ROGDI: variants seen among roughly 807,000 people sequenced by gnomAD.
The protein encoded by ROGDI is protein rogdi homolog.
ROGDI carries 46 observed loss-of-function variants against 43.1 expected under a neutral mutation model. That is an observed-to-expected ratio of 1.07 (90% CI 0.84 to 1.37). The LOEUF is 1.37. Among genes scored for constraint, ROGDI ranks in the 40% most tolerant of loss-of-function variants. The pLI, the probability that ROGDI is intolerant of heterozygous loss-of-function variation, is 0.00. For missense variants in ROGDI, 518 were observed against 383.9 expected, an observed-to-expected ratio of 1.35 and a Z score of -2.92; for synonymous variants, 243 against 162.0, an observed-to-expected ratio of 1.50 and a Z score of -3.80.
intron 7 of ROGDI, 32 bp downstream of exon 7, chr16:4,798,537 C>T: frequency 1.3e-6 from 2 of 1,503,776 alleles, no homozygotes; most frequent in East Asian, 2.4e-5. Flanking sequence ...TGGGACCCCT[C>T]TCCTGCAGCA....
chr16:4,798,462 T>C, intron 7 of ROGDI, 107 bp downstream of exon 7: 4 of 906,066 alleles, frequency 4.4e-6, no homozygotes, highest in Non-Finnish European at 4.9e-6. Context: ...AGACAGAATA[T>C]TCCACCTATA....
At chr16:4,802,284 T>C (rs1427002668) in intron 2 of ROGDI, 98 bp downstream of exon 2, 9 of 1,139,914 alleles carry the variant, frequency 7.9e-6, no homozygotes, top group Admixed American at 2.2e-5. Flanking sequence ...AGCCGCACAC[T>C]GTAGGCGCTC....
rs1385269873 is a variant in ROGDI, at chr16:4,801,496, G to A, written c.200+7C>T. ...ATTTCCCCGGTTTCCGCCTAGCCCA[G>A]GCTCACCCACAGCTGCCTAGGATGA... On this transcript the variant is annotated splice_region_variant and intron_variant, in intron 3 of 10. Coordinates refer to ENST00000322048, the MANE Select transcript of ROGDI (RefSeq NM_024589.3). 6.2e-7 allele frequency: 1 copy of A among 1,600,984 alleles called. No homozygotes were observed. Among genetic ancestry groups the A allele is most frequent in the Non-Finnish European group, 8.5e-7 (1 of 1,173,734 alleles).
rs560408104 is a variant in ROGDI, at chr16:4,802,296, G to C, written c.117+86C>G. 16 of 1,271,792 alleles carry C rather than the reference G, an allele frequency of 1.3e-5. No homozygotes were observed. The South Asian group carries it at 2.0e-4, about 16-fold the overall frequency. 78.8% of individuals were successfully genotyped at this position (1,271,792 alleles called of 1,614,324 possible). On this transcript the variant is annotated intron_variant, in intron 2 of 10. Transcript: ENST00000322048. ...GGCAGCCGCACACTGTAGGCGCTCA[G>C]GACGCAGCCGCGCGGCCCCAGGTGG...
chr16:4,802,039 G>A (rs1375288321), intron 2 of ROGDI: 3 of 590,042 alleles, frequency 5.1e-6, no homozygotes, highest in Non-Finnish European at 6.4e-6. Context: ...GAAAAGGGAG[G>A]CCCAGGGAGG....
In ROGDI at chr16:4,798,065, C is replaced by A. The variant is rs2082675526; in HGVS notation, c.645+6G>T. ...GGCAGTGGGCCGGGCAGGGGTCCCT[C>A]CTCACCTTGGTGGAGTTGGGCTGCA... On this transcript the variant is annotated splice_donor_region_variant and intron_variant, in intron 8 of 10. Transcript: ENST00000322048. 2 of 1,613,728 alleles carry A rather than the reference C, an allele frequency of 1.2e-6. No homozygotes were observed. The highest frequency in any genetic ancestry group is 4.5e-5 in the East Asian group (2 of 44,864).
At chr16:4,801,930 C>A in intron 2 of ROGDI, 1 of 570,078 alleles carries the variant, frequency 1.8e-6, no homozygotes, top group Non-Finnish European at 3.3e-6. Context: ...TCCTGGGCCA[C>A]AGCAAGCACT....
intron 1 of ROGDI, 25 bp from the exon 2 acceptor site, chr16:4,802,478 G>C: frequency 8.2e-7 from 1 of 1,224,186 alleles, no homozygotes; most frequent in Non-Finnish European, 1.0e-6. Flanking sequence ...CGGCGGTCGC[G>C]CCCGGCCCCG....
rs145718534 is a variant in ROGDI at position 4,802,421 on chromosome 16, C to A, written c.78G>T (p.Glu26Asp). The A allele has an allele frequency of 4.6e-6, 7 of 1,519,912 alleles. No homozygotes were observed. Among genetic ancestry groups the A allele is most frequent in the Admixed American group, 4.3e-5 (2 of 46,442 alleles). 94.2% of individuals were successfully genotyped at this position (1,519,912 alleles called of 1,614,324 possible). A position where few individuals can be genotyped will look rare whatever the true frequency, so the allele number is the denominator to read the frequency against. Residue 26 changes from glutamate to aspartate, a missense_variant, in exon 2 of 11, where the codon GAG (glutamate) becomes GAT (aspartate). Physicochemically the swap from Glu to Asp is conservative, Grantham distance 45 (BLOSUM62 2). Transcript: ENST00000322048. ...GCAGCTGCTTCAACACAGCGTGCAC[C>A]TCGTCGTGCAGCAGCCAGCGGAACT... Reference protein sequence around the residue: ...EEEFRWLLHDEVHAVLKQLQD... With the variant: ...EEEFRWLLHDDVHAVLKQLQD...
At chr16:4,801,918 G>A (rs1288333647) in intron 2 of ROGDI, 1 of 561,028 alleles carries the variant, frequency 1.8e-6, no homozygotes, top group African/African-American at 1.9e-5. Flanking sequence ...GGTAACCCGC[G>A]GTCCTGGGCC....
Position 4,800,460 on chromosome 16 carries a change from C to G in ROGDI, c.336+38G>C, listed in dbSNP as rs775888608. ...CCGCGGCAGGCCTGCTGCCGCCTGTCCTTGTGGCTGAGCACTAGCCAGGAG... is the reference window on the plus strand; with the variant it reads ...CCGCGGCAGGCCTGCTGCCGCCTGTGCTTGTGGCTGAGCACTAGCCAGGAG... On this transcript the variant is annotated intron_variant, in intron 5 of 10. Coordinates refer to ENST00000322048, the MANE Select transcript of ROGDI (RefSeq NM_024589.3). 2.0e-6 allele frequency: 3 copies of G among 1,522,826 alleles called. No homozygotes were observed. In the South Asian group the frequency reaches 3.6e-5, roughly 18 times the overall value. 94.3% of individuals were successfully genotyped at this position (1,522,826 alleles called of 1,614,324 possible). A position where few individuals can be genotyped will look rare whatever the true frequency, so the allele number is the denominator to read the frequency against.
rs377688304 is a variant in ROGDI at position 4,797,922 on chromosome 16, G to T, written c.695+16C>A. 1 of 1,598,080 alleles carries T rather than the reference G, an allele frequency of 6.3e-7. No individual in the cohort carries two copies. The highest frequency in any genetic ancestry group is 1.1e-5 in the South Asian group (1 of 90,022). On this transcript the variant is annotated intron_variant, in intron 9 of 10. Transcript: ENST00000322048. ...TGGGGTGGGCGTGCCTGGACCCCCCGCCCCTGCCTACTTACAACATGGCCC... is the reference window on the plus strand; with the variant it reads ...TGGGGTGGGCGTGCCTGGACCCCCCTCCCCTGCCTACTTACAACATGGCCC...
In ROGDI at chr16:4,801,257, G is replaced by A; in HGVS notation, c.255+10C>T. On this transcript the variant is annotated intron_variant, in intron 4 of 10. Transcript: ENST00000322048. ...GGCAGGATGGGAGGGGACAGGGCCG[G>A]GGGACTCACCGCCTGGCTGAGGGCA... is the stretch of plus-strand genomic sequence containing the variant. 1 of 1,600,118 alleles carries A rather than the reference G, an allele frequency of 6.2e-7. No individual in the cohort carries two copies. Among genetic ancestry groups the A allele is most frequent in the Non-Finnish European group, 8.5e-7 (1 of 1,171,276 alleles).
chr16:4,802,451 C>A lies in ROGDI; in HGVS notation c.48G>T (p.Glu16Asp). Residue 16 changes from glutamate to aspartate, a missense_variant and splice_region_variant, in exon 2 of 11, where the codon GAG becomes GAT. Physicochemically the swap from Glu to Asp is conservative, Grantham distance 45. Transcript: ENST00000322048. ...AATAAERAVL[E>D]EEFRWLLHDE... Reference sequence around the variant, plus strand: ...CGTGCAGCAGCCAGCGGAACTCCTCCTCCTGCGGGACAGACCCGGCGGTCG... The same window carrying A: ...CGTGCAGCAGCCAGCGGAACTCCTCATCCTGCGGGACAGACCCGGCGGTCG... 7.1e-7 allele frequency: 1 copy of A among 1,415,306 alleles called. No homozygotes were observed. Among genetic ancestry groups the A allele is most frequent in the Non-Finnish European group, 9.2e-7 (1 of 1,088,668 alleles). The allele number at this position is 1,415,306 out of a possible 1,614,324, so 87.7% of individuals were successfully genotyped here. A position where few individuals can be genotyped will look rare whatever the true frequency, so the allele number is the denominator to read the frequency against.
chr16:4,798,912 G>C (rs192083183), intron 6 of ROGDI: 4 of 534,768 alleles, frequency 7.5e-6, no homozygotes, highest in Admixed American at 3.8e-5. Context: ...CTGGGTGCTG[G>C]ATCAATGGGG....
At chr16:4,798,867 C>T (rs1236708965) in intron 6 of ROGDI, 200 bp from the exon 7 acceptor site, 8 of 579,952 alleles carry the variant, frequency 1.4e-5, no homozygotes, top group Non-Finnish European at 2.1e-5. Context: ...GCACTAATGT[C>T]AGTCGGGATG....
intron 5 of ROGDI, 95 bp from the exon 6 acceptor site, chr16:4,799,876 C>T (rs1479837545): frequency 2.4e-6 from 2 of 845,076 alleles, no homozygotes; most frequent in Admixed American, 2.1e-5. Flanking sequence ...TCATTCCACT[C>T]TCCACACTGT....
rs1219447018 is a variant in ROGDI, at chr16:4,797,969, C to T, written c.664G>A (p.Gly222Ser). 1 of 1,607,122 alleles carries T rather than the reference C, an allele frequency of 6.2e-7. No individual in the cohort carries two copies. The highest frequency in any genetic ancestry group is 2.2e-5 in the East Asian group (1 of 44,738). ...NSTKNFRPAG[G>S]AVLHSPGAMF... ...GCCCCAGGGCTATGCAGCACCGCGC[C>T]CCCAGCTGGGCGGAAGTTCTAGGGA... The change falls in exon 9 of 11, where the codon GGC (glycine) becomes AGC (serine). Residue 222 changes from glycine (G) to serine (S), a missense_variant. Transcript: ENST00000322048.
intron 2 of ROGDI, chr16:4,802,129 G>A (rs2082735275): frequency 1.5e-6 from 1 of 655,266 alleles, no homozygotes; most frequent in South Asian, 1.5e-5. Flanking sequence ...CTGCTCCCAA[G>A]GCGGCCTTCC....
Sources: allele counts gnomAD v4.1 joint callset, GRCh38; gene constraint gnomAD v4.1.1; transcripts MANE v1.5; gene names NCBI Gene and HGNC (gene_info 2026-07-23, HGNC 2026-07-21).